The following ADGRL3 variants were observed in gnomAD, a reference collection of about 807,000 sequenced individuals.
ADGRL3 encodes the protein adhesion G protein-coupled receptor L3, also known as calcium-independent alpha-latrotoxin receptor 3.
ADGRL3 carries 62 observed loss-of-function variants against 153.5 expected under a neutral mutation model. That is an observed-to-expected ratio of 0.40 (90% confidence interval 0.33 to 0.50). The LOEUF (loss-of-function observed/expected upper bound fraction) is 0.50, where lower values mean the gene tolerates loss of function less well. Among genes scored for constraint, ADGRL3 ranks in the 20% least tolerant of loss-of-function variants. ADGRL3 has a pLI of 0.47. For synonymous variants in ADGRL3, 710 were observed against 672.5 expected (o/e 1.06, Z -0.86); for missense variants, 1,641 against 1,859.4 (o/e 0.88, Z 2.16).
intron 4 of ADGRL3, among the ~76,000 whole-genome samples, chr4:61,563,545 G>T (rs1239950414): frequency 6.6e-6 from 1 of 152,186 alleles, no homozygotes; most frequent in Non-Finnish European, 1.5e-5. Flanking sequence ...GTCCTAGATG[G>T]CATCCTTTTC....
chr4:61,853,184 GC>G (rs1314282000), intron 9 of ADGRL3, among the ~76,000 whole-genome samples: 1 of 152,032 alleles, frequency 6.6e-6, no homozygotes, highest in Non-Finnish European at 1.5e-5. Context: ...CTGGTGACCA[GC>G]CCCCATCCTG....
At chr4:61,729,850 G>A (rs1234405564) in intron 6 of ADGRL3, among the ~76,000 whole-genome samples, 1 of 151,994 alleles carries the variant, frequency 6.6e-6, no homozygotes, top group Non-Finnish European at 1.5e-5. Context: ...AACATAACAT[G>A]TTTGAGGATC....
At chr4:61,395,465 T>C (rs1010746514) in intron 2 of ADGRL3, among the ~76,000 whole-genome samples, 23 of 151,990 alleles carry the variant, frequency 1.5e-4, no homozygotes, top group African/African-American at 4.8e-4. Flanking sequence ...TTTGTTGTTA[T>C]GAGACCATAA....
At chr4:61,874,448 G>T (rs559892718) in intron 9 of ADGRL3, among the ~76,000 whole-genome samples, 2 of 152,040 alleles carry the variant, frequency 1.3e-5, no homozygotes, top group African/African-American at 2.4e-5. Context: ...CACCACCTTA[G>T]CCTTATTCTA....
chr4:61,603,874 C>T (rs752684680), intron 5 of ADGRL3, among the ~76,000 whole-genome samples: 2 of 152,062 alleles, frequency 1.3e-5, no homozygotes, highest in Non-Finnish European at 2.9e-5. Flanking sequence ...CCAAGTCAAT[C>T]AAAGGAGACA....
chr4:61,876,885 T>G (rs2098478551), intron 9 of ADGRL3, among the ~76,000 whole-genome samples: 1 of 148,110 alleles, frequency 6.8e-6, no homozygotes, highest in Non-Finnish European at 1.5e-5. Context: ...TCCTTTACTT[T>G]CTCAATAAAC....
intron 4 of ADGRL3, among the ~76,000 whole-genome samples, chr4:61,523,518 C>T (rs1255898207): frequency 3.3e-5 from 5 of 152,028 alleles, no homozygotes; most frequent in Admixed American, 6.6e-5. Context: ...ATGCATAATA[C>T]GTTCTTTGCA....
At chr4:61,772,123 G>A (rs957001896) in intron 8 of ADGRL3, among the ~76,000 whole-genome samples, 3 of 152,174 alleles carry the variant, frequency 2.0e-5, no homozygotes, top group Non-Finnish European at 2.9e-5. Context: ...GGAGGAAAAG[G>A]ATCAATAATC....
intron 8 of ADGRL3, chr4:61,775,885 T>TTATA (rs2097142391): frequency 8.4e-6 from 2 of 237,720 alleles, no homozygotes; most frequent in Non-Finnish European, 7.8e-6. Context: ...AATCTTGTTT[T>TTATA]TATTTATTTA....
chr4:61,823,559 T>C (rs1406752932), intron 9 of ADGRL3, among the ~76,000 whole-genome samples: 1 of 152,118 alleles, frequency 6.6e-6, no homozygotes, highest in East Asian at 1.9e-4. Flanking sequence ...CTCCCAAATA[T>C]CATGAAATAG....
At chr4:61,436,595 A>T (rs1441874959) in intron 2 of ADGRL3, among the ~76,000 whole-genome samples, 1 of 152,198 alleles carries the variant, frequency 6.6e-6, no homozygotes. Flanking sequence ...GCCAAAGTTC[A>T]TAGAGGAAAG....
chr4:61,827,506 C>T (rs2097821606), intron 9 of ADGRL3, among the ~76,000 whole-genome samples: 1 of 152,114 alleles, frequency 6.6e-6, no homozygotes, highest in South Asian at 2.1e-4. Flanking sequence ...CCACAAAGGA[C>T]TTCAAGCATA....
At chr4:61,869,976 A>AAAAAAG (rs2098432423) in intron 9 of ADGRL3, among the ~76,000 whole-genome samples, 2 of 99,592 alleles carry the variant, frequency 2.0e-5, no homozygotes, top group African/African-American at 6.9e-5. Flanking sequence ...GAGAGAGAGA[A>AAAAAAG]AGAGAGAGAG....
chr4:61,922,687 A>T (rs1581474659), intron 13 of ADGRL3, among the ~76,000 whole-genome samples: 2 of 152,308 alleles, frequency 1.3e-5, no homozygotes, highest in East Asian at 3.9e-4. Context: ...ATACTTTAAG[A>T]AAAGCGTAGA....
chr4:61,680,183 G>A (rs1329358356), intron 6 of ADGRL3, among the ~76,000 whole-genome samples: 1 of 151,918 alleles, frequency 6.6e-6, no homozygotes, highest in Non-Finnish European at 1.5e-5. Context: ...TTTCATTAAT[G>A]TGAGGGAAAT....
At chr4:61,221,837 C>T (rs1204342301) in intron 1 of ADGRL3, among the ~76,000 whole-genome samples, 3 of 151,962 alleles carry the variant, frequency 2.0e-5, no homozygotes, top group Non-Finnish European at 4.4e-5. Flanking sequence ...AAAAAATATT[C>T]GCAATATAGT....
intron 1 of ADGRL3, among the ~76,000 whole-genome samples, chr4:61,339,601 A>G (rs2095760651): frequency 6.6e-6 from 1 of 152,230 alleles, no homozygotes; most frequent in Non-Finnish European, 1.5e-5. Context: ...TATTTATACC[A>G]TGCAAGAGAC....
intron 9 of ADGRL3, among the ~76,000 whole-genome samples, chr4:61,862,791 A>G (rs1309323413): frequency 6.6e-6 from 1 of 152,134 alleles, no homozygotes; most frequent in Admixed American, 6.5e-5. Context: ...AAGATCTCCC[A>G]GTGATTCTGA....
chr4:61,704,630 G>A (rs532480889), intron 6 of ADGRL3, among the ~76,000 whole-genome samples: 38 of 152,250 alleles, frequency 2.5e-4, no homozygotes, highest in African/African-American at 9.1e-4. Flanking sequence ...CACATGGATC[G>A]ATTCTCCCTT....
Sources: allele counts gnomAD v4.1 joint callset (sites outside exome capture counted in the v4.1 genomes callset), GRCh38; gene constraint gnomAD v4.1.1; transcripts MANE v1.5; gene names NCBI Gene and HGNC (gene_info 2026-07-23, HGNC 2026-07-21).